ADAMTS17: variants seen among roughly 807,000 people sequenced by gnomAD.
ADAMTS17 encodes the protein A disintegrin and metalloproteinase with thrombospondin motifs 17.
A neutral mutation model predicts 141.5 loss-of-function variants in ADAMTS17; 113 were observed. That is an observed-to-expected ratio of 0.80 (90% CI 0.69 to 0.93). The LOEUF is 0.93. ADAMTS17 is among the 40% of genes least tolerant of loss of function. The pLI is 0.00. For missense variants in ADAMTS17, 1,659 were observed against 1,517.9 expected (o/e 1.09, Z -1.54); for synonymous variants, 768 against 630.6 (o/e 1.22, Z -3.27).
intron 14 of ADAMTS17, among the ~76,000 whole-genome samples, chr15:100,100,832 C>A (rs1225199621): frequency 1.3e-5 from 2 of 152,152 alleles, no homozygotes; most frequent in South Asian, 4.1e-4. Context: ...GAATTTAAGA[C>A]CCTCCATGAT....
At chr15:100,103,584 C>G (rs78340643) in intron 14 of ADAMTS17, among the ~76,000 whole-genome samples, 1 of 105,416 alleles carries the variant, frequency 9.5e-6, no homozygotes, top group Non-Finnish European at 2.1e-5. Flanking sequence ...CTTTTTTTTT[C>G]TTTTCCTTTT....
intron 3 of ADAMTS17, among the ~76,000 whole-genome samples, chr15:100,281,645 C>G (rs775110176): frequency 6.6e-6 from 1 of 152,176 alleles, no homozygotes; most frequent in Non-Finnish European, 1.5e-5. Context: ...CCAACTCCCA[C>G]CACAGCTGGG....
At chr15:100,043,529 G>C (rs1000307055) in intron 18 of ADAMTS17, among the ~76,000 whole-genome samples, 6 of 152,126 alleles carry the variant, frequency 3.9e-5, no homozygotes, top group African/African-American at 1.2e-4. Context: ...TATCTCAGTG[G>C]GCAAAACGGG....
At position 100,133,327 on chromosome 15, in the gene ADAMTS17, G is replaced by C; in HGVS notation, c.1474-12C>G. 1.9e-6 allele frequency: 3 copies of C among 1,570,192 alleles called. No individual in the cohort carries two copies. Among genetic ancestry groups the C allele is most frequent in the East Asian group, 2.3e-5 (1 of 43,328 alleles). ...GCACACATTAGATGCTGCAGGACAA[G>C]GGAAGGAACCATAATTGTGGAGAAC... is the stretch of plus-strand genomic sequence containing the variant. On this transcript the variant is annotated splice_polypyrimidine_tract_variant and intron_variant, in intron 10 of 21. Transcript: ENST00000268070.
intron 18 of ADAMTS17, among the ~76,000 whole-genome samples, chr15:100,004,917 C>T (rs1383251537): frequency 3.3e-5 from 5 of 152,074 alleles, no homozygotes; most frequent in African/African-American, 7.2e-5. Flanking sequence ...AACCACACCC[C>T]GCTCATTTTT....
intron 7 of ADAMTS17, among the ~76,000 whole-genome samples, chr15:100,199,829 G>A (rs1161560345): frequency 2.0e-5 from 3 of 152,214 alleles, no homozygotes; most frequent in Non-Finnish European, 2.9e-5. Context: ...AGGTGAGCCA[G>A]CCAGGTAAGA....
In ADAMTS17 at chr15:100,218,521, A is replaced by C. The variant is rs545653790; in HGVS notation, c.1076-19098T>G. 1.7e-3 allele frequency among the ~76,000 whole-genome samples: 252 copies of C among 152,336 alleles called. 7 individuals are homozygous for C. The South Asian group carries it at 0.045, about 27-fold the overall frequency. On this transcript the variant is annotated intron_variant, in intron 7 of 21. Transcript: ENST00000268070. ...CATTAGAGAAAGGCAAATCAAAACC[A>C]CAATAAGATACTACTTCACACCCAC...
At chr15:100,025,893 G>C (rs2061506105) in intron 18 of ADAMTS17, among the ~76,000 whole-genome samples, 1 of 151,602 alleles carries the variant, frequency 6.6e-6, no homozygotes, top group African/African-American at 2.4e-5. Context: ...ATAGGTTTTT[G>C]TTTTTGTTTT....
chr15:100,130,421 T>C (rs192334271), intron 12 of ADAMTS17, among the ~76,000 whole-genome samples: 1 of 152,092 alleles, frequency 6.6e-6, no homozygotes, highest in African/African-American at 2.4e-5. Flanking sequence ...CCCCGCACTC[T>C]GCTGGGTGCT....
intron 8 of ADAMTS17, among the ~76,000 whole-genome samples, chr15:100,173,617 C>T (rs1333450693): frequency 6.6e-6 from 1 of 152,202 alleles, no homozygotes; most frequent in Admixed American, 6.5e-5. Context: ...AATAAAAAGT[C>T]GCTTTCTTTA....
chr15:100,115,880 C>A (rs1182831046), intron 13 of ADAMTS17, among the ~76,000 whole-genome samples: 1 of 152,170 alleles, frequency 6.6e-6, no homozygotes. Context: ...CAGGCAATAG[C>A]TGCTTATTTT....
At chr15:100,116,736 T>G in intron 13 of ADAMTS17, 111 bp downstream of exon 13, 1 of 1,467,950 alleles carries the variant, frequency 6.8e-7, no homozygotes, top group Non-Finnish European at 9.5e-7. Flanking sequence ...GACTGGAGTG[T>G]CTTGCTGGGT....
At chr15:100,254,733 C>G (rs1221043855) in intron 6 of ADAMTS17, among the ~76,000 whole-genome samples, 2 of 151,882 alleles carry the variant, frequency 1.3e-5, no homozygotes, top group African/African-American at 4.9e-5. Context: ...CCTCAGAAAA[C>G]TAATGCAGAA....
intron 14 of ADAMTS17, among the ~76,000 whole-genome samples, chr15:100,105,488 C>T (rs540143036): frequency 6.6e-6 from 1 of 152,098 alleles, no homozygotes; most frequent in East Asian, 1.9e-4. Context: ...AACAGGAAGG[C>T]GTGCATCCCA....
chr15:100,064,973 T>C (rs1261787394), intron 15 of ADAMTS17, among the ~76,000 whole-genome samples: 2 of 152,226 alleles, frequency 1.3e-5, no homozygotes, highest in South Asian at 2.1e-4. Flanking sequence ...ACCAGAATCA[T>C]GAGCGGAGCT....
chr15:100,325,695 C>G (rs76639013), intron 3 of ADAMTS17, among the ~76,000 whole-genome samples: 7 of 152,186 alleles, frequency 4.6e-5, no homozygotes, highest in African/African-American at 1.7e-4. Flanking sequence ...GCTCCCTTCT[C>G]TCCCCATGTG....
chr15:100,079,446 G>A (rs931682928), intron 15 of ADAMTS17, among the ~76,000 whole-genome samples: 2 of 152,202 alleles, frequency 1.3e-5, no homozygotes, highest in Non-Finnish European at 2.9e-5. Context: ...CTGTCAGGAA[G>A]GACCACGTAT....
At chr15:100,308,060 C>G (rs750665244) in intron 3 of ADAMTS17, among the ~76,000 whole-genome samples, 1 of 152,212 alleles carries the variant, frequency 6.6e-6, no homozygotes, top group Non-Finnish European at 1.5e-5. Context: ...GTAAGCTCAT[C>G]TACTTCATTT....
chr15:100,167,897 A>G (rs1488366339), intron 8 of ADAMTS17, among the ~76,000 whole-genome samples: 1 of 152,192 alleles, frequency 6.6e-6, no homozygotes, highest in African/African-American at 2.4e-5. Flanking sequence ...CATGCACGTG[A>G]TGAATGTCAC....
Sources: allele counts gnomAD v4.1 joint callset (sites outside exome capture counted in the v4.1 genomes callset), GRCh38; gene constraint gnomAD v4.1.1; transcripts MANE v1.5; gene names NCBI Gene and HGNC (gene_info 2026-07-23, HGNC 2026-07-21).